The following DGKB variants were observed in gnomAD, a reference collection of about 807,000 sequenced individuals.
DGKB encodes the protein 90 kDa diacylglycerol kinase.
DGKB carries 67 observed loss-of-function variants against 114.3 expected under a neutral mutation model. The observed-to-expected ratio is 0.59, with a 90% CI of 0.48 to 0.72. The LOEUF (loss-of-function observed/expected upper bound fraction) is 0.72. Ranked by LOEUF, DGKB falls within the 30% of genes least tolerant of loss-of-function variation. The probability of loss-of-function intolerance (pLI) is 0.00; values close to 1 mark genes in which losing one functional copy is unlikely to be tolerated. For synonymous variants in DGKB, 398 were observed against 323.1 expected (o/e 1.23, Z -2.49); for missense variants, 907 against 975.2 (o/e 0.93, Z 0.93).
At chr7:14,189,913 C>T (rs35221866) in intron 23 of DGKB, among the ~76,000 whole-genome samples, 29,304 of 151,864 alleles carry the variant, frequency 0.19, 3,081 homozygotes, top group African/African-American at 0.27. Context: ...ATAGAGCAAC[C>T]GTTATTAGAT....
intron 21 of DGKB, among the ~76,000 whole-genome samples, chr7:14,468,816 A>T (rs915854882): frequency 2.0e-5 from 3 of 152,040 alleles, no homozygotes; most frequent in Non-Finnish European, 2.9e-5. Context: ...TTACTTTACA[A>T]ATCTTGTTTC....
chr7:14,249,159 T>C (rs557984117), intron 23 of DGKB, among the ~76,000 whole-genome samples: 1 of 152,308 alleles, frequency 6.6e-6, no homozygotes, highest in Admixed American at 6.5e-5. Flanking sequence ...TTGATTTGTG[T>C]ATGATGAAGC....
chr7:14,178,410 C>CAAA (rs56812836), intron 23 of DGKB, among the ~76,000 whole-genome samples: 1 of 121,794 alleles, frequency 8.2e-6, no homozygotes, highest in Non-Finnish European at 1.9e-5. Flanking sequence ...CAAATAATAC[C>CAAA]AAAAAAAAAA....
chr7:14,849,011 G>A (rs745327947), intron 1 of DGKB, among the ~76,000 whole-genome samples: 28 of 151,844 alleles, frequency 1.8e-4, no homozygotes, highest in Non-Finnish European at 3.8e-4. Context: ...TCTGATATGT[G>A]TTTGCATCCC....
At chr7:14,865,288 G>A (rs965054347) in intron 1 of DGKB, among the ~76,000 whole-genome samples, 4 of 151,976 alleles carry the variant, frequency 2.6e-5, no homozygotes, top group African/African-American at 9.7e-5. Context: ...ACATTTCCTG[G>A]GCGCCCTTGC....
intron 13 of DGKB, among the ~76,000 whole-genome samples, chr7:14,638,520 C>T (rs1811161195): frequency 6.6e-6 from 1 of 152,096 alleles, no homozygotes; most frequent in Non-Finnish European, 1.5e-5. Flanking sequence ...CAAAAGCTGA[C>T]TGAATGCTAT....
chr7:14,727,199 T>C (rs1830153595), intron 5 of DGKB, among the ~76,000 whole-genome samples: 1 of 152,098 alleles, frequency 6.6e-6, no homozygotes, highest in Admixed American at 6.5e-5. Context: ...ATAAATCTAA[T>C]AATAAAGTAA....
At position 14,736,052 on chromosome 7, in the gene DGKB, A is replaced by T; in HGVS notation, c.311T>A (p.Leu104His). ...SSPMVKSKPA[L>H]LSGGLRMNKG... ...GTAAGTAAACTTACCGCCTGATAGG[A>T]GAGCAGGCTTACTTTTTACCATTGG... Residue 104 changes from leucine (L) to histidine (H), a missense_variant, in exon 5 of 26, where the codon CTC becomes CAC. Transcript: ENST00000402815. 6.3e-7 allele frequency: 1 copy of T among 1,597,598 alleles called. No individual in the cohort carries two copies. The highest frequency in any genetic ancestry group is 1.1e-5 in the South Asian group (1 of 87,654).
chr7:14,771,833 A>G (rs568586377), intron 2 of DGKB, among the ~76,000 whole-genome samples: 3 of 152,240 alleles, frequency 2.0e-5, no homozygotes, highest in African/African-American at 7.2e-5. Context: ...GAGATAATCA[A>G]CTAAGCGCCA....
chr7:14,531,451 G>A (rs900709612), intron 20 of DGKB, among the ~76,000 whole-genome samples: 11 of 151,422 alleles, frequency 7.3e-5, no homozygotes, highest in South Asian at 2.1e-4. Flanking sequence ...ATTATTCCAC[G>A]TATGGTAGTT....
intron 23 of DGKB, among the ~76,000 whole-genome samples, chr7:14,201,905 A>C: frequency 6.6e-6 from 1 of 152,016 alleles, no homozygotes; most frequent in East Asian, 1.9e-4. Context: ...TTGAATTAGT[A>C]ATAATGTATT....
In DGKB at chr7:14,945,380, G is replaced by C. The variant is rs115976370; in HGVS notation, c.-188+29316C>G. On this transcript the variant is annotated intron_variant, in intron 1 of 4. Transcript: ENST00000437998. Reference sequence around the variant, plus strand: ...GCACATTTGTCCTGTTCTAGTTCGTGAATGTGGTTCTGGTTACATGGGTGT... The same window carrying C: ...GCACATTTGTCCTGTTCTAGTTCGTCAATGTGGTTCTGGTTACATGGGTGT... Among the ~76,000 whole-genome samples, 817 of 151,910 alleles carry C rather than the reference G, an allele frequency of 5.4e-3. 8 individuals are homozygous for C. Among genetic ancestry groups the C allele is most frequent in the African/African-American group, 0.019 (782 of 41,510 alleles).
intron 25 of DGKB, chr7:14,176,238 A>C (rs2128243093): frequency 1.5e-6 from 1 of 683,892 alleles, no homozygotes; most frequent in South Asian, 6.6e-5. Context: ...CAGTGCCAAA[A>C]GCAGTTCCTA....
At chr7:14,322,672 C>A (rs1042830953) in intron 23 of DGKB, among the ~76,000 whole-genome samples, 1 of 152,078 alleles carries the variant, frequency 6.6e-6, no homozygotes, top group African/African-American at 2.4e-5. Context: ...AGGCAAGGCA[C>A]ACAGTGAAAG....
intron 13 of DGKB, among the ~76,000 whole-genome samples, chr7:14,653,578 C>A (rs532082358): frequency 1.3e-5 from 2 of 151,654 alleles, no homozygotes; most frequent in Non-Finnish European, 2.9e-5. Context: ...GTGGGTTCAG[C>A]GCACCAGCAT....
At chr7:14,792,912 G>T (rs1200537556) in intron 2 of DGKB, among the ~76,000 whole-genome samples, 1 of 152,088 alleles carries the variant, frequency 6.6e-6, no homozygotes, top group African/African-American at 2.4e-5. Context: ...GTCAATTAAT[G>T]AACATACAGA....
intron 21 of DGKB, among the ~76,000 whole-genome samples, chr7:14,354,612 A>G (rs1342382952): frequency 6.6e-6 from 1 of 152,202 alleles, no homozygotes; most frequent in African/African-American, 2.4e-5. Context: ...GATACACAAG[A>G]TGGTATGTGT....
chr7:14,624,182 T>C (rs1384044938), intron 14 of DGKB, among the ~76,000 whole-genome samples: 1 of 152,204 alleles, frequency 6.6e-6, no homozygotes, highest in African/African-American at 2.4e-5. Context: ...ACGCTTATAT[T>C]TGAAAATGCA....
rs147270512 is a variant in DGKB at position 14,458,929 on chromosome 7, G to A, written c.1835+19232C>T. Among the ~76,000 whole-genome samples, 319 of 152,244 alleles carry A rather than the reference G, an allele frequency of 2.1e-3. 1 individual carries two copies. Among genetic ancestry groups the A allele is most frequent in the Non-Finnish European group, 2.9e-3 (197 of 68,024 alleles). ...GCTCAGGGGATCCCATCCCCACAGA[G>A]CCCAGCAAGCTAAGATCCACTGGCT... On this transcript the variant is annotated intron_variant, in intron 21 of 25. Transcript: ENST00000402815.
Sources: gnomAD v4.1 joint callset for allele counts (sites outside exome capture counted in the v4.1 genomes callset) on GRCh38, gnomAD v4.1.1 for gene constraint, MANE v1.5 for transcripts, NCBI Gene and HGNC (gene_info 2026-07-23, HGNC 2026-07-21) for gene names.